IL1RAPL1: variants seen among roughly 807,000 people sequenced by gnomAD.
IL1RAPL1 encodes the protein interleukin-1 receptor accessory protein-like 1.
In IL1RAPL1, 3 loss-of-function variants were observed where a neutral mutation model predicts 48.4. The ratio of observed to expected loss-of-function variants is 0.06; its 90% CI spans 0.03 to 0.16. IL1RAPL1 has a LOEUF of 0.16. IL1RAPL1 is among the 10% of genes least tolerant of loss of function. IL1RAPL1 has a pLI of 1.00. For missense variants in IL1RAPL1, 349 were observed against 530.6 expected (o/e 0.66, Z 3.36); for synonymous variants, 185 against 187.7 (o/e 0.99, Z 0.12).
intron 6 of IL1RAPL1, among the ~76,000 whole-genome samples, chrX:29,750,592 G>A (rs966143643): frequency 8.9e-6 from 1 of 111,835 alleles, no homozygotes; most frequent in Non-Finnish European, 1.9e-5. Context: ...CATTAGGTCA[G>A]TAGGTCTTTC....
intron 5 of IL1RAPL1, among the ~76,000 whole-genome samples, chrX:29,536,915 T>C (rs983810451): frequency 2.8e-4 from 31 of 110,528 alleles, no homozygotes; most frequent in Non-Finnish European, 5.1e-4. Context: ...ACAATTTTAT[T>C]ATATAAGCAA....
chrX:29,771,450 G>T (rs1036866800), intron 6 of IL1RAPL1, among the ~76,000 whole-genome samples: 1 of 112,061 alleles, frequency 8.9e-6, no homozygotes, highest in African/African-American at 3.2e-5. Context: ...CTTCTCTGTT[G>T]TCTGAATTCC....
chrX:29,163,342 A>G (rs192353600), intron 2 of IL1RAPL1, among the ~76,000 whole-genome samples: 1 of 111,684 alleles, frequency 9.0e-6, no homozygotes, highest in African/African-American at 3.2e-5. Flanking sequence ...CTGCATTTCT[A>G]ACAAGCTCCT....
chrX:29,802,474 C>T (rs772908109), intron 6 of IL1RAPL1, among the ~76,000 whole-genome samples: 78 of 108,999 alleles, frequency 7.2e-4, no homozygotes, highest in African/African-American at 2.5e-3. Context: ...ATATCAATAA[C>T]TAGAAACAAC....
chrX:29,917,507 C>T lies in IL1RAPL1; in HGVS notation c.822C>T (p.Ser274=), dbSNP rs962728005. 4 of 1,203,552 alleles carry T rather than the reference C, an allele frequency of 3.3e-6. No homozygotes were observed. Among genetic ancestry groups the T allele is most frequent in the Non-Finnish European group, 4.5e-6 (4 of 888,409 alleles). ...CCTGCAGAGCTTTCTTTGGGTACAG[C>T]GGAGATGTCAGTCCTTTAATTTACT... The part of the protein sequence containing the change: ...NLTCRAFFGY[S]GDVSPLIYWM... Residue 274 remains serine, a synonymous_variant, in exon 7 of 11, where the codon AGC becomes AGT. Transcript: ENST00000378993.
chrX:29,436,955 A>G (rs1029061839), intron 5 of IL1RAPL1, among the ~76,000 whole-genome samples: 7 of 110,566 alleles, frequency 6.3e-5, no homozygotes, highest in Non-Finnish European at 1.3e-4. Context: ...AGCAATTAGT[A>G]CCATGTAATT....
chrX:29,647,959 GAT>G (rs746812232), intron 5 of IL1RAPL1, among the ~76,000 whole-genome samples: 14 of 111,565 alleles, frequency 1.3e-4, no homozygotes, highest in Non-Finnish European at 1.9e-4. Flanking sequence ...GTATGAAAAA[GAT>G]ATTGCATGTA....
intron 2 of IL1RAPL1, among the ~76,000 whole-genome samples, chrX:29,102,265 A>G (rs980343122): frequency 2.7e-5 from 3 of 112,394 alleles, no homozygotes; most frequent in African/African-American, 9.7e-5. Flanking sequence ...GATCTGGAAC[A>G]TGACAAAGAT....
intron 2 of IL1RAPL1, among the ~76,000 whole-genome samples, chrX:28,872,858 G>A (rs192724741): frequency 5.4e-5 from 6 of 111,859 alleles, no homozygotes; most frequent in Admixed American, 3.8e-4. Context: ...TCTGTACAGT[G>A]GAACTATAGT....
At chrX:29,497,004 A>G (rs1186393138) in intron 5 of IL1RAPL1, among the ~76,000 whole-genome samples, 2 of 112,944 alleles carry the variant, frequency 1.8e-5, no homozygotes, top group Non-Finnish European at 3.7e-5. Flanking sequence ...ATCCTCCAAT[A>G]TTTGAGGTTT....
chrX:29,395,304 G>A (rs1933907607), intron 3 of IL1RAPL1, among the ~76,000 whole-genome samples: 1 of 111,914 alleles, frequency 8.9e-6, no homozygotes, highest in Non-Finnish European at 1.9e-5. Context: ...CAAATGGGAA[G>A]TTCTAAAGCA....
chrX:28,950,333 G>C (rs1183962741), intron 2 of IL1RAPL1, among the ~76,000 whole-genome samples: 3 of 78,037 alleles, frequency 3.8e-5, no homozygotes, highest in Admixed American at 3.1e-4. Context: ...TGCTGTTTTG[G>C]TTACTGTAGC....
intron 6 of IL1RAPL1, among the ~76,000 whole-genome samples, chrX:29,703,384 C>T (rs1345839080): frequency 9.1e-6 from 1 of 110,325 alleles, no homozygotes; most frequent in African/African-American, 3.3e-5. Context: ...ACTCTGTCTC[C>T]CAGGCCAGAG....
At chrX:29,735,487 C>T (rs1229264528) in intron 6 of IL1RAPL1, among the ~76,000 whole-genome samples, 1 of 112,053 alleles carries the variant, frequency 8.9e-6, no homozygotes, top group East Asian at 2.8e-4. Context: ...TTCTACCTAC[C>T]ATAACATCTT....
chrX:29,693,834 T>C (rs1217940798), intron 6 of IL1RAPL1, among the ~76,000 whole-genome samples: 3 of 110,072 alleles, frequency 2.7e-5, no homozygotes, highest in Non-Finnish European at 5.7e-5. Flanking sequence ...TTTTTTTGAA[T>C]ATGGTAGAGA....
chrX:29,230,526 A>AAACAAAC (rs1931181217), intron 2 of IL1RAPL1, among the ~76,000 whole-genome samples: 3 of 97,712 alleles, frequency 3.1e-5, no homozygotes, highest in African/African-American at 1.2e-4. Context: ...AAAAAAAAAA[A>AAACAAAC]AAAAAAAAAC....
Position 29,081,306 on chromosome X carries a change from T to A in IL1RAPL1, c.83-201632T>A, listed in dbSNP as rs1927838361. ...CCCGACCTCAGGTGATCCACCCGCC[T>A]CGGCCCCCCAAAGTGCTAGGATTAT... On this transcript the variant is annotated intron_variant, in intron 2 of 10. Coordinates refer to ENST00000378993, the MANE Select transcript of IL1RAPL1 (RefSeq NM_014271.4). Among the ~76,000 whole-genome samples the A allele has an allele frequency of 2.8e-5, 3 of 108,822 alleles. No homozygotes were observed. In the South Asian group the frequency reaches 1.2e-3, roughly 43 times the overall value. The allele number at this position is 108,822 out of a possible 115,157, so 94.5% of individuals were successfully genotyped here. A position where few individuals can be genotyped will look rare whatever the true frequency, so the allele number is the denominator to read the frequency against.
At chrX:29,424,686 A>G (rs1424851544) in intron 5 of IL1RAPL1, among the ~76,000 whole-genome samples, 4 of 111,404 alleles carry the variant, frequency 3.6e-5, no homozygotes, top group Non-Finnish European at 5.7e-5. Flanking sequence ...CCAAAACACA[A>G]AAGGATGTGG....
chrX:29,387,384 C>T (rs1040458664), intron 3 of IL1RAPL1, among the ~76,000 whole-genome samples: 7 of 112,143 alleles, frequency 6.2e-5, no homozygotes, highest in East Asian at 2.8e-4. Flanking sequence ...ACTTTTTATA[C>T]GAAACTCTGA....
Sources: gnomAD v4.1 joint callset for allele counts (sites outside exome capture counted in the v4.1 genomes callset) on GRCh38, gnomAD v4.1.1 for gene constraint, MANE v1.5 for transcripts, NCBI Gene and HGNC (gene_info 2026-07-23, HGNC 2026-07-21) for gene names.